PHACTR1: variants seen among roughly 807,000 people sequenced by gnomAD.
PHACTR1 encodes phosphatase and actin regulator 1.
Under a neutral mutation model 69.2 loss-of-function variants are expected in PHACTR1, and 16 were observed. The observed-to-expected ratio is 0.23, with a 90% CI of 0.16 to 0.35. The LOEUF (loss-of-function observed/expected upper bound fraction) is 0.35. Ranked by LOEUF, PHACTR1 falls within the 10% of genes least tolerant of loss-of-function variation. The pLI is 1.00. For missense variants in PHACTR1, 510 were observed against 734.7 expected (o/e 0.69, Z 3.54); for synonymous variants, 312 against 284.5 (o/e 1.10, Z -0.97).
intron 4 of PHACTR1, among the ~76,000 whole-genome samples, chr6:12,844,077 T>C (rs1205907049): frequency 6.6e-6 from 1 of 152,146 alleles, no homozygotes; most frequent in Non-Finnish European, 1.5e-5. Context: ...AAGGTTCCTC[T>C]TACATGAAAT....
intron 4 of PHACTR1, among the ~76,000 whole-genome samples, chr6:12,854,020 C>T (rs571414805): frequency 3.3e-5 from 5 of 152,236 alleles, no homozygotes; most frequent in South Asian, 4.1e-4. Context: ...GTTGTCAATA[C>T]GTATAGGTGG....
chr6:13,276,215 AG>A (rs1404942504), intron 11 of PHACTR1: 4 of 151,900 alleles, frequency 2.6e-5, no homozygotes, highest in Admixed American at 6.6e-5. Context: ...ACTGTAGGGT[AG>A]GCTGGAGCAG....
intron 4 of PHACTR1, among the ~76,000 whole-genome samples, chr6:12,883,284 G>A (rs1783284557): frequency 6.6e-6 from 1 of 152,032 alleles, no homozygotes; most frequent in African/African-American, 2.4e-5. Context: ...TGCCATCTCG[G>A]CTCACTGCAA....
At chr6:13,017,075 A>G (rs573792478) in intron 4 of PHACTR1, among the ~76,000 whole-genome samples, 1 of 151,450 alleles carries the variant, frequency 6.6e-6, no homozygotes, top group Non-Finnish European at 1.5e-5. Context: ...AATCCCAGCT[A>G]CTGGGGAGGC....
intron 10 of PHACTR1, among the ~76,000 whole-genome samples, chr6:13,269,847 AAAC>A (rs1220423352): frequency 6.6e-6 from 1 of 152,116 alleles, no homozygotes; most frequent in Non-Finnish European, 1.5e-5. Flanking sequence ...AAAAAGAAAA[AAAC>A]AAACTTTTTT....
intron 4 of PHACTR1, among the ~76,000 whole-genome samples, chr6:12,876,660 CA>C (rs900776551): frequency 1.3e-5 from 2 of 151,636 alleles, no homozygotes; most frequent in African/African-American, 4.8e-5. Context: ...TACACATCAA[CA>C]AAAAAAAGTC....
intron 5 of PHACTR1, among the ~76,000 whole-genome samples, chr6:13,159,700 G>A (rs1758697501): frequency 6.6e-6 from 1 of 152,220 alleles, no homozygotes; most frequent in Non-Finnish European, 1.5e-5. Context: ...CCAGCCCTTT[G>A]GGAGGCCAAG....
intron 12 of PHACTR1, chr6:13,279,804 G>C (rs1779757633): frequency 6.6e-6 from 1 of 152,212 alleles, no homozygotes; most frequent in South Asian, 2.1e-4. Context: ...AGTTTTTCCT[G>C]AGCTTGAGTA....
chr6:12,737,262 G>C (rs940951552), intron 3 of PHACTR1, among the ~76,000 whole-genome samples: 18 of 152,168 alleles, frequency 1.2e-4, no homozygotes, highest in African/African-American at 4.3e-4. Context: ...AATGCTATTT[G>C]TGTATCTAAA....
chr6:13,149,648 G>A (rs1029835534), intron 5 of PHACTR1, among the ~76,000 whole-genome samples: 2 of 152,002 alleles, frequency 1.3e-5, no homozygotes, highest in African/African-American at 4.8e-5. Flanking sequence ...CATGGGGGAG[G>A]GGCTAACAGA....
intron 6 of PHACTR1, among the ~76,000 whole-genome samples, chr6:13,175,499 A>T (rs1475199775): frequency 3.3e-5 from 5 of 152,118 alleles, no homozygotes; most frequent in African/African-American, 9.7e-5. Context: ...GCTTCTTTCC[A>T]TTGCAGCTGC....
At chr6:13,019,957 C>T (rs1030279625) in intron 4 of PHACTR1, among the ~76,000 whole-genome samples, 2 of 152,150 alleles carry the variant, frequency 1.3e-5, no homozygotes, top group African/African-American at 4.8e-5. Context: ...TTAGGAGCCA[C>T]CATTGATGAT....
intron 4 of PHACTR1, among the ~76,000 whole-genome samples, chr6:12,940,852 T>C (rs1789986432): frequency 6.6e-6 from 1 of 152,216 alleles, no homozygotes; most frequent in African/African-American, 2.4e-5. Flanking sequence ...GCTTACTATC[T>C]GTTCATGACG....
intron 3 of PHACTR1, among the ~76,000 whole-genome samples, 196 bp downstream of exon 3, chr6:12,719,043 G>A (rs1338856456): frequency 6.6e-6 from 1 of 152,126 alleles, no homozygotes; most frequent in African/African-American, 2.4e-5. Context: ...TCTTGGATGT[G>A]GTTAAAAAAA....
rs191402837 is a variant in PHACTR1, at chr6:12,990,016, A to C, written c.251-63349A>C. ...CGGGTCTCACTCTGAGCATGGGAAC[A>C]TGATGGCAATTAGGAGGCTTTCCTC... On this transcript the variant is annotated intron_variant, in intron 4 of 14. Coordinates refer to ENST00000332995, the MANE Select transcript of PHACTR1 (RefSeq NM_030948.6). Among the ~76,000 whole-genome samples the C allele has an allele frequency of 1.7e-3, 259 of 152,302 alleles. 2 individuals carry two copies. The highest frequency in any genetic ancestry group is 5.8e-3 in the African/African-American group (243 of 41,564).
intron 4 of PHACTR1, among the ~76,000 whole-genome samples, chr6:13,036,722 G>T (rs1803368353): frequency 6.6e-6 from 1 of 152,172 alleles, no homozygotes; most frequent in African/African-American, 2.4e-5. Context: ...CTTACCTGTG[G>T]TTTGGAGGTA....
chr6:12,826,564 C>T, intron 4 of PHACTR1, among the ~76,000 whole-genome samples: 1 of 152,122 alleles, frequency 6.6e-6, no homozygotes, highest in East Asian at 1.9e-4. Flanking sequence ...AGAAAGCATA[C>T]AGGAGTTCAA....
intron 12 of PHACTR1, among the ~76,000 whole-genome samples, chr6:13,278,993 T>G (rs1779560126): frequency 1.3e-5 from 2 of 150,230 alleles, no homozygotes; most frequent in South Asian, 4.2e-4. Context: ...AGTTCGAATA[T>G]TACACAATTA....
At chr6:12,894,599 C>T (rs9472842) in intron 4 of PHACTR1, among the ~76,000 whole-genome samples, 4,443 of 152,204 alleles carry the variant, frequency 0.029, 223 homozygotes, top group African/African-American at 0.1. Flanking sequence ...AGCAAGACTC[C>T]TTCTGAAAAA....
Sources: gnomAD v4.1 joint callset for allele counts (sites outside exome capture counted in the v4.1 genomes callset) on GRCh38, gnomAD v4.1.1 for gene constraint, MANE v1.5 for transcripts, NCBI Gene and HGNC (gene_info 2026-07-23, HGNC 2026-07-21) for gene names.